VCAN: variants seen among roughly 807,000 people sequenced by gnomAD.
VCAN encodes the protein versican core protein.
VCAN carries 44 observed loss-of-function variants against 245.5 expected under a neutral mutation model. The ratio of observed to expected loss-of-function variants is 0.18; its 90% confidence interval spans 0.14 to 0.23. VCAN has a LOEUF of 0.23. Ranked by LOEUF, VCAN falls within the 10% of genes least tolerant of loss-of-function variation. The pLI is 1.00. For synonymous variants in VCAN, 1,413 were observed against 1,437.0 expected, an observed-to-expected ratio of 0.98 and a Z score of 0.38; for missense variants, 3,793 against 4,057.9, an observed-to-expected ratio of 0.93 and a Z score of 1.77.
intron 1 of VCAN, among the ~76,000 whole-genome samples, chr5:83,473,679 A>G (rs1367646958): frequency 6.6e-6 from 1 of 152,164 alleles, no homozygotes; most frequent in Non-Finnish European, 1.5e-5. Context: ...AGACTTGCAG[A>G]ACCTAGATGT....
At chr5:83,499,705 TC>T (rs1745271617) in intron 5 of VCAN, among the ~76,000 whole-genome samples, 1 of 152,140 alleles carries the variant, frequency 6.6e-6, no homozygotes. Flanking sequence ...TTCCACTCCT[TC>T]CCAGCAAATT....
At chr5:83,480,783 G>A (rs1341627918) in intron 1 of VCAN, among the ~76,000 whole-genome samples, 1 of 152,100 alleles carries the variant, frequency 6.6e-6, no homozygotes, top group Non-Finnish European at 1.5e-5. Flanking sequence ...TGCTACTATA[G>A]TGGTAACCTA....
chr5:83,554,453 AT>A (rs1405732812), intron 11 of VCAN, among the ~76,000 whole-genome samples: 4 of 152,222 alleles, frequency 2.6e-5, no homozygotes, highest in African/African-American at 9.6e-5. Context: ...AAAAGTAAAT[AT>A]TTTTGAGGAT....
chr5:83,497,064 T>C (rs1580607931), intron 5 of VCAN, among the ~76,000 whole-genome samples: 2 of 152,156 alleles, frequency 1.3e-5, no homozygotes, highest in South Asian at 2.1e-4. Flanking sequence ...GTAAAAGATT[T>C]GGTATATTCA....
intron 7 of VCAN, among the ~76,000 whole-genome samples, chr5:83,533,013 C>T (rs904681988): frequency 1.3e-5 from 2 of 152,026 alleles, no homozygotes. Context: ...AATCTGCTTC[C>T]TTTTACCATC....
Position 83,541,245 on chromosome 5 carries a change from CAGG to C in VCAN, c.8248_8250del (p.Glu2750del), listed in dbSNP as rs1395111263. On this transcript the variant is annotated inframe_deletion, in exon 8 of 15. Coordinates refer to ENST00000265077, the MANE Select transcript of VCAN (RefSeq NM_004385.5). ...AACATTGGGCCAATTTGAAAGGACT[CAGG>C]AGGAGTATGAAGACAAAAAACATGC... The C allele has an allele frequency of 1.9e-6, 3 of 1,613,934 alleles. No individual in the cohort carries two copies. The highest frequency in any genetic ancestry group is 4.5e-5 in the East Asian group (2 of 44,800).
intron 2 of VCAN, among the ~76,000 whole-genome samples, chr5:83,484,015 T>G (rs1333670535): frequency 6.6e-6 from 1 of 152,224 alleles, no homozygotes; most frequent in Non-Finnish European, 1.5e-5. Flanking sequence ...GTTCCTTTTC[T>G]TTTCTTTTTT....
At chr5:83,482,034 C>A (rs981700438) in intron 1 of VCAN, among the ~76,000 whole-genome samples, 3 of 152,100 alleles carry the variant, frequency 2.0e-5, no homozygotes, top group African/African-American at 7.2e-5. Flanking sequence ...CTGTAAGGAA[C>A]AAAAAGTCAC....
In VCAN at chr5:83,540,492, A is replaced by G. The variant is rs140606678; in HGVS notation, c.7489A>G (p.Lys2497Glu). The change falls in exon 8 of 15, where the codon AAA becomes GAA. Residue 2497 changes from lysine (K) to glutamate (E), a missense_variant. Transcript: ENST00000265077. ...GCTGCCTCTTCATTCAGAGCAGAAC[A>G]AAAGCTCCCCTGATCCAACTAGCAC... ...VMLPLHSEQN[K>E]SSPDPTSTLS... 208 of 1,613,994 alleles carry G rather than the reference A, an allele frequency of 1.3e-4. No individual in the cohort carries two copies. The African/African-American group carries it at 1.3e-3, about 10-fold the overall frequency.
intron 5 of VCAN, among the ~76,000 whole-genome samples, chr5:83,502,158 G>C (rs1745348248): frequency 6.6e-6 from 1 of 151,996 alleles, no homozygotes; most frequent in Non-Finnish European, 1.5e-5. Context: ...TGCTGAACTT[G>C]CCTCTTCGTT....
intron 5 of VCAN, among the ~76,000 whole-genome samples, chr5:83,498,448 T>C (rs1288631808): frequency 2.0e-5 from 3 of 152,236 alleles, no homozygotes; most frequent in Non-Finnish European, 4.4e-5. Flanking sequence ...AAACCATTAA[T>C]GCCTCCCTAC....
rs2112472662 is a variant in VCAN, at chr5:83,554,990, T to C, written c.9687T>C (p.Asn3229=). The C allele has an allele frequency of 6.2e-7, 1 of 1,613,742 alleles. No homozygotes were observed. The highest frequency in any genetic ancestry group is 8.5e-7 in the Non-Finnish European group (1 of 1,179,702). ...ATGATTATCAGTGGATAGGCCTCAA[T>C]GACAAGATGTTTGAGCATGACTTCC... ...VGHDYQWIGL[N]DKMFEHDFRW... The change falls in exon 12 of 15, where the codon AAT becomes AAC. Residue 3229 remains asparagine, a synonymous_variant. Coordinates refer to ENST00000265077, the MANE Select transcript of VCAN (RefSeq NM_004385.5).
At chr5:83,561,400 G>A (rs1021516761) in intron 12 of VCAN, among the ~76,000 whole-genome samples, 4 of 152,058 alleles carry the variant, frequency 2.6e-5, no homozygotes, top group African/African-American at 9.7e-5. Context: ...AGGACAATTA[G>A]TACAATTAAT....
rs986752560 is a variant in VCAN, at chr5:83,472,090, G to C, written c.-7+67G>C. The C allele has an allele frequency of 1.2e-4, 30 of 243,990 alleles. No individual in the cohort carries two copies. The East Asian group carries it at 2.2e-3, about 18-fold the overall frequency. 15.1% of individuals were successfully genotyped at this position (243,990 alleles called of 1,614,324 possible). ...AAAAAACTTATAGAAAAAAACCCGC[G>C]AGCTTAGAAAAAAGAAGCAATTGGT... On this transcript the variant is annotated intron_variant, in intron 1 of 14. Transcript: ENST00000265077.
rs141030735 is a variant in VCAN at position 83,474,231 on chromosome 5, G to T, written c.-7+2208G>T. ...GAAGGCGGGCAGTGGGAGGAAAAAA[G>T]AAAGGGAAGGAAGGGAAGTGGAAGG... On this transcript the variant is annotated intron_variant, in intron 1 of 14. Coordinates refer to ENST00000265077, the MANE Select transcript of VCAN (RefSeq NM_004385.5). Among the ~76,000 whole-genome samples, 1,253 of 152,150 alleles carry T rather than the reference G, an allele frequency of 8.2e-3. 11 individuals are homozygous for T. Among genetic ancestry groups the T allele is most frequent in the African/African-American group, 0.028 (1,147 of 41,514 alleles).
At position 83,538,546 on chromosome 5, in the gene VCAN, C is replaced by G. The variant is rs1445154009; in HGVS notation, c.5543C>G (p.Thr1848Ser). ...GCTGCTGCCGACCCAGAAACCACCACTGTTTCTTCATTTTCATTAAACGTA... is the reference window on the plus strand; with the variant it reads ...GCTGCTGCCGACCCAGAAACCACCAGTGTTTCTTCATTTTCATTAAACGTA... ...GEAAADPETT[T>S]VSSFSLNVEY... The change falls in exon 8 of 15, where the codon ACT becomes AGT. Residue 1848 changes from threonine (T) to serine (S), a missense_variant. This residue lies in a region of VCAN where 3,182 missense variants were observed against 3,250.3 expected (regional missense o/e 0.98). Coordinates refer to ENST00000265077, the MANE Select transcript of VCAN (RefSeq NM_004385.5). 7.4e-6 allele frequency: 12 copies of G among 1,613,946 alleles called. No homozygotes were observed. Among genetic ancestry groups the G allele is most frequent in the Non-Finnish European group, 1.0e-5 (12 of 1,179,980 alleles).
At chr5:83,575,820 C>T (rs1748450921) in intron 13 of VCAN, among the ~76,000 whole-genome samples, 2 of 152,054 alleles carry the variant, frequency 1.3e-5, no homozygotes, top group South Asian at 4.2e-4. Flanking sequence ...TTACATTTCC[C>T]AATGGATAAC....
intron 7 of VCAN, among the ~76,000 whole-genome samples, chr5:83,525,451 G>A (rs1315077925): frequency 1.3e-5 from 2 of 152,090 alleles, no homozygotes; most frequent in Non-Finnish European, 2.9e-5. Context: ...ACAAGGTAGT[G>A]GAACAGAACT....
intron 5 of VCAN, among the ~76,000 whole-genome samples, chr5:83,504,127 A>G (rs960336603): frequency 1.3e-5 from 2 of 152,274 alleles, no homozygotes; most frequent in South Asian, 2.1e-4. Flanking sequence ...AATTCCCACA[A>G]TAAATTTAGT....
Sources: gnomAD v4.1 joint callset for allele counts (sites outside exome capture counted in the v4.1 genomes callset) on GRCh38, gnomAD v4.1.1 for gene constraint, gnomAD v4.1.1 regional missense constraint, MANE v1.5 for transcripts, NCBI Gene and HGNC (gene_info 2026-07-23, HGNC 2026-07-21) for gene names.